ZNF705A: variants seen among roughly 807,000 people sequenced by gnomAD.
The protein encoded by ZNF705A is zinc finger protein 705A.
ZNF705A carries 8 observed loss-of-function variants against 16.6 expected under a neutral mutation model. That is an observed-to-expected ratio of 0.48 (90% CI 0.28 to 0.87). The LOEUF is 0.87. ZNF705A is among the 40% of genes least tolerant of loss of function. The probability of loss-of-function intolerance (pLI) is 0.10; values close to 1 mark genes in which losing one functional copy is unlikely to be tolerated. For synonymous variants in ZNF705A, 73 were observed against 117.3 expected (o/e 0.62, Z 2.44); for missense variants, 233 against 359.9 (o/e 0.65, Z 2.85).
At chr12:8,163,460 T>G (rs941715405) in intron 1 of ZNF705A, among the ~76,000 whole-genome samples, 4 of 152,206 alleles carry the variant, frequency 2.6e-5, no homozygotes, top group African/African-American at 9.7e-5. Context: ...ACACAACTAT[T>G]AGGCCACCTT....
chr12:8,168,233 C>T (rs1173020066), upstream of ZNF705A, among the ~76,000 whole-genome samples: 3 of 152,180 alleles, frequency 2.0e-5, no homozygotes, highest in South Asian at 2.1e-4. Context: ...CATCAGGAAA[C>T]GGCCTCTCTC....
chr12:8,166,913 T>C (rs1948404102), intron 1 of ZNF705A, among the ~76,000 whole-genome samples: 1 of 152,094 alleles, frequency 6.6e-6, no homozygotes, highest in African/African-American at 2.4e-5. Flanking sequence ...TGAAATGTCT[T>C]TGAGGCCCTT....
chr12:8,167,164 T>C (rs1197169783), intron 1 of ZNF705A, among the ~76,000 whole-genome samples: 3 of 152,270 alleles, frequency 2.0e-5, no homozygotes, highest in Non-Finnish European at 4.4e-5. Context: ...TTTTAGAATA[T>C]AGAGTCTCCA....
intron 2 of ZNF705A, among the ~76,000 whole-genome samples, chr12:8,174,760 A>C (rs1481116373): frequency 1.3e-5 from 2 of 152,230 alleles, no homozygotes; most frequent in Non-Finnish European, 2.9e-5. Flanking sequence ...GTATTAAATT[A>C]AATATTTTCT....
intron 1 of ZNF705A, 32 bp from the exon 3 acceptor site, chr12:8,174,294 C>T (rs1948467402): frequency 6.3e-7 from 1 of 1,594,694 alleles, no homozygotes; most frequent in Non-Finnish European, 8.5e-7. Context: ...AGGGATTTCT[C>T]TGTCTAAACT....
intron 2 of ZNF705A, 57 bp downstream of exon 3, chr12:8,174,509 T>C (rs1948470221): frequency 6.3e-7 from 1 of 1,593,298 alleles, no homozygotes; most frequent in African/African-American, 1.3e-5. Flanking sequence ...ATTCATTCAA[T>C]AAGTGTTAGA....
chr12:8,172,772 G>C (rs1345183772), intron 1 of ZNF705A, 135 bp downstream of exon 2: 10 of 1,424,852 alleles, frequency 7.0e-6, no homozygotes, highest in East Asian at 2.3e-5. Flanking sequence ...AATCCACCTA[G>C]CCTGGGTATT....
At chr12:8,172,734 T>C in intron 1 of ZNF705A, 97 bp downstream of exon 2, 1 of 1,543,282 alleles carries the variant, frequency 6.5e-7, no homozygotes, top group Non-Finnish European at 8.8e-7. Context: ...TTTTTATTCT[T>C]TTCTGTTTGT....
rs1275172794 is a variant in ZNF705A at position 8,172,548 on chromosome 12, A to G, written c.-78A>G. On this transcript the variant is annotated 5_prime_UTR_variant, in exon 1 of 5. Transcript: ENST00000359286. ...TGCTGTCTCACATGTTCTTTCTCCA[A>G]CCTCAGCTTTTCTTAGTGCCTAAAG... 1.0e-5 allele frequency: 16 copies of G among 1,581,034 alleles called. No individual in the cohort carries two copies. The highest frequency in any genetic ancestry group is 9.9e-5 in the South Asian group (9 of 90,620).
chr12:8,160,402 T>C (rs1948343773), intron 1 of ZNF705A, among the ~76,000 whole-genome samples: 1 of 152,174 alleles, frequency 6.6e-6, no homozygotes, highest in South Asian at 2.1e-4. Flanking sequence ...AATTTGTAGA[T>C]TGCTTTTGGC....
chr12:8,158,592 C>G (rs10770254), intron 1 of ZNF705A, among the ~76,000 whole-genome samples: 143,269 of 152,132 alleles, frequency 0.94, 67,724 homozygotes, highest in Non-Finnish European at 0.99. Flanking sequence ...AAGAAAATCT[C>G]TTATAAATAT....
intron 4 of ZNF705A, among the ~76,000 whole-genome samples, chr12:8,176,498 C>T (rs186089166): frequency 6.6e-6 from 1 of 152,254 alleles, no homozygotes; most frequent in Admixed American, 6.5e-5. Flanking sequence ...CTCAGTGAAT[C>T]TGGATTTTTT....
rs770159753 is a variant in ZNF705A at position 8,160,873 on chromosome 12, G to A, written c.-72+3781G>A. Among the ~76,000 whole-genome samples, 28 of 152,242 alleles carry A rather than the reference G, an allele frequency of 1.8e-4. No homozygotes were observed. In the East Asian group the frequency reaches 4.8e-3, roughly 26 times the overall value. ...ACTTCCAGTACCATGTTGAAGAGGA[G>A]TACTGAGAGTGTGCATCCTTGTCTT... On this transcript the variant is annotated intron_variant, in intron 1 of 5. Transcript: ENST00000396570.
At chr12:8,173,093 T>C (rs1948457527) in intron 1 of ZNF705A, among the ~76,000 whole-genome samples, 1 of 152,216 alleles carries the variant, frequency 6.6e-6, no homozygotes, top group South Asian at 2.1e-4. Context: ...GAGCAGAACA[T>C]CACAGCCCAA....
rs375496818 is a variant in ZNF705A, at chr12:8,157,825, G to A, written c.-72+733G>A. On this transcript the variant is annotated intron_variant, in intron 1 of 5. Coordinates refer to the ZNF705A transcript ENST00000396570. ...GGCTGAGACACAAATTATAATTAGA[G>A]TTTTCTTGAGCCAAAGTGAGGGCAG... 3.1e-4 allele frequency among the ~76,000 whole-genome samples: 47 copies of A among 152,234 alleles called. No homozygotes were observed. In the South Asian group the frequency reaches 9.3e-3, roughly 30 times the overall value.
upstream of ZNF705A, among the ~76,000 whole-genome samples, chr12:8,167,937 G>C (rs145545359): frequency 0.077 from 11,760 of 152,200 alleles, 1,225 homozygotes; most frequent in African/African-American, 0.24. Flanking sequence ...AAGAGAAGAG[G>C]CTTTAACCTT....
At chr12:8,163,180 G>A (rs1948370837) in intron 1 of ZNF705A, among the ~76,000 whole-genome samples, 1 of 152,120 alleles carries the variant, frequency 6.6e-6, no homozygotes. Flanking sequence ...TTCCTTAGGT[G>A]CTTCCTTGAT....
At chr12:8,170,195 C>A (rs144679128), upstream of ZNF705A, among the ~76,000 whole-genome samples, 66,279 of 126,144 alleles carry the variant, frequency 0.53, 17,416 homozygotes, top group Non-Finnish European at 0.58. Flanking sequence ...CCCCCCCCCC[C>A]CAAAAAAAAA....
At chr12:8,177,065 T>G in exon 5 of ZNF705A, 1 of 1,610,798 alleles carries the variant, frequency 6.2e-7, no homozygotes, top group Non-Finnish European at 8.5e-7. Context: ...CACTCACAGT[T>G]CCACAATAAC....
Sources: allele counts gnomAD v4.1 joint callset (sites outside exome capture counted in the v4.1 genomes callset), GRCh38; gene constraint gnomAD v4.1.1; transcripts MANE v1.5; gene names NCBI Gene and HGNC (gene_info 2026-07-23, HGNC 2026-07-21).